Variants in TMEM74 observed in about 807,000 individuals in gnomAD.
TMEM74 encodes the protein transmembrane protein 74.
A neutral mutation model predicts 18.1 loss-of-function variants in TMEM74; 13 were observed. That is an observed-to-expected ratio of 0.72 (90% CI 0.47 to 1.14). The LOEUF (loss-of-function observed/expected upper bound fraction) is 1.14. Among genes scored for constraint, TMEM74 ranks in the 50% most tolerant of loss-of-function variants. The pLI is 0.00. For missense variants in TMEM74, 372 were observed against 375.9 expected (o/e 0.99, Z 0.09); for synonymous variants, 159 against 146.6 (o/e 1.08, Z -0.61).
chr8:108,669,462 G>A (rs1487729130), intron 1 of TMEM74, among the ~76,000 whole-genome samples: 1 of 152,036 alleles, frequency 6.6e-6, no homozygotes, highest in Non-Finnish European at 1.5e-5. Flanking sequence ...AGAAAATTTG[G>A]GCTGGTGATA....
In TMEM74 at chr8:108,782,929, T is replaced by C. The variant is rs541708489; in HGVS notation, c.*1252A>G. On this transcript the variant is annotated 3_prime_UTR_variant, in exon 2 of 2. Coordinates refer to ENST00000297459, the MANE Select transcript of TMEM74 (RefSeq NM_153015.3). ...GGTCTGTCACTGTGAACACCCAGTG[T>C]GTGTCTTGCAAAGTGAGCACCTTGC... Among the ~76,000 whole-genome samples the C allele has an allele frequency of 1.3e-5, 2 of 152,332 alleles. No homozygotes were observed. The highest frequency in any genetic ancestry group is 6.5e-5 in the Admixed American group (1 of 15,306).
chr8:108,615,742 A>T (rs542942327), intron 2 of TMEM74, among the ~76,000 whole-genome samples: 94 of 144,298 alleles, frequency 6.5e-4, no homozygotes, highest in Non-Finnish European at 1.2e-3. Context: ...GGAGCTCTGG[A>T]TGTGGGATGA....
chr8:108,693,178 C>G (rs1813247506), intron 1 of TMEM74, among the ~76,000 whole-genome samples: 1 of 152,028 alleles, frequency 6.6e-6, no homozygotes, highest in South Asian at 2.1e-4. Context: ...GCCGGTATGG[C>G]TGGAGTATTA....
chr8:108,739,958 G>C (rs1485851845), intron 1 of TMEM74, among the ~76,000 whole-genome samples: 1 of 152,126 alleles, frequency 6.6e-6, no homozygotes, highest in Non-Finnish European at 1.5e-5. Flanking sequence ...CGAGCTCTGG[G>C]AGCCCACACT....
At chr8:108,640,255 C>T (rs1035497147) in intron 2 of TMEM74, among the ~76,000 whole-genome samples, 1 of 150,932 alleles carries the variant, frequency 6.6e-6, no homozygotes, top group African/African-American at 2.4e-5. Flanking sequence ...GCCTCAGCCT[C>T]CTGAGTAGCT....
chr8:108,775,112 A>C (rs906030426), downstream of TMEM74, among the ~76,000 whole-genome samples: 6 of 152,196 alleles, frequency 3.9e-5, no homozygotes, highest in African/African-American at 1.4e-4. Context: ...CATGATAACC[A>C]TAAGAAACAA....
chr8:108,693,163 C>T (rs1040118453), intron 1 of TMEM74, among the ~76,000 whole-genome samples: 7 of 152,146 alleles, frequency 4.6e-5, no homozygotes, highest in African/African-American at 1.4e-4. Flanking sequence ...AAGAGCTACA[C>T]ATAAGCCGGT....
chr8:108,725,396 C>T (rs1409152440), intron 1 of TMEM74, among the ~76,000 whole-genome samples: 1 of 152,120 alleles, frequency 6.6e-6, no homozygotes, highest in African/African-American at 2.4e-5. Context: ...GGGCTCAAAA[C>T]CACTTCTTAA....
chr8:108,730,169 C>T (rs1326192163), intron 1 of TMEM74, among the ~76,000 whole-genome samples: 1 of 152,120 alleles, frequency 6.6e-6, no homozygotes, highest in Non-Finnish European at 1.5e-5. Context: ...TTTTCAAGGT[C>T]AAATAAAAGC....
chr8:108,736,555 T>C (rs912838519), intron 1 of TMEM74, among the ~76,000 whole-genome samples: 1 of 151,994 alleles, frequency 6.6e-6, no homozygotes, highest in African/African-American at 2.4e-5. Flanking sequence ...TATGCACACA[T>C]ACACATGTGA....
chr8:108,766,200 T>TTTCCTTCCTTCC (rs150712271), intron 1 of TMEM74, among the ~76,000 whole-genome samples: 50 of 151,654 alleles, frequency 3.3e-4, no homozygotes, highest in African/African-American at 1.1e-3. Flanking sequence ...TTATTTCTCC[T>TTTCCTTCCTTCC]TTCCTTCCTT....
At chr8:108,666,696 C>G (rs1174867691) in intron 1 of TMEM74, among the ~76,000 whole-genome samples, 1 of 152,070 alleles carries the variant, frequency 6.6e-6, no homozygotes, top group Non-Finnish European at 1.5e-5. Context: ...ACAGACTTTA[C>G]AAGACATAAT....
intron 1 of TMEM74, among the ~76,000 whole-genome samples, chr8:108,761,398 A>G (rs1031989051): frequency 1.1e-4 from 16 of 152,250 alleles, no homozygotes; most frequent in African/African-American, 3.8e-4. Context: ...TCTACAATAC[A>G]TGTAAACTTT....
At chr8:108,725,937 T>C (rs1446023792) in intron 1 of TMEM74, among the ~76,000 whole-genome samples, 2 of 152,094 alleles carry the variant, frequency 1.3e-5, no homozygotes, top group Non-Finnish European at 2.9e-5. Flanking sequence ...CAGGGTGAGA[T>C]TGTTGGATAT....
intron 1 of TMEM74, among the ~76,000 whole-genome samples, chr8:108,726,116 C>T (rs1182702330): frequency 1.3e-5 from 2 of 152,052 alleles, no homozygotes; most frequent in African/African-American, 2.4e-5. Flanking sequence ...CTAGTGAGAC[C>T]CGGGGTAAAA....
rs567687046 is a variant in TMEM74 at position 108,629,734 on chromosome 8, A to G, written n.265-20908T>C. Among the ~76,000 whole-genome samples, 507 of 152,120 alleles carry G rather than the reference A, an allele frequency of 3.3e-3. 1 individual carries two copies. Among genetic ancestry groups the G allele is most frequent in the Non-Finnish European group, 5.3e-3 (363 of 67,944 alleles). On this transcript the variant is annotated intron_variant and non_coding_transcript_variant, in intron 2 of 3. Transcript: ENST00000518838. The stretch of plus-strand genomic sequence containing the variant: ...CCAGAATTTTATATCTGGTCAAACA[A>G]AGCTTTATAAGCAAAGGAGAAATAA...
Position 108,782,430 on chromosome 8 carries a change from A to T in TMEM74, c.*1751T>A, listed in dbSNP as rs927391654. ...TCCTCTGATGGCCATATAATTTCTC[A>T]TTTTTACTTAATAATTCTTTCATAT... On this transcript the variant is annotated 3_prime_UTR_variant, in exon 2 of 2. Transcript: ENST00000297459. Among the ~76,000 whole-genome samples the T allele has an allele frequency of 6.6e-6, 1 of 152,046 alleles. No homozygotes were observed. Among genetic ancestry groups the T allele is most frequent in the Non-Finnish European group, 1.5e-5 (1 of 68,016 alleles).
intron 1 of TMEM74, among the ~76,000 whole-genome samples, chr8:108,760,831 G>A (rs1586288278): frequency 6.6e-6 from 1 of 151,924 alleles, no homozygotes; most frequent in East Asian, 2.0e-4. Flanking sequence ...CAACACTGAA[G>A]CCAATCTGCC....
chr8:108,682,359 A>G (rs1813123683), intron 1 of TMEM74, among the ~76,000 whole-genome samples: 1 of 151,954 alleles, frequency 6.6e-6, no homozygotes, highest in African/African-American at 2.4e-5. Flanking sequence ...TTTCAAAGAG[A>G]TTTTCTGTGA....
Sources: allele counts gnomAD v4.1 joint callset (sites outside exome capture counted in the v4.1 genomes callset), GRCh38; gene constraint gnomAD v4.1.1; transcripts MANE v1.5; gene names NCBI Gene and HGNC (gene_info 2026-07-23, HGNC 2026-07-21).